EDIL3: variants seen among roughly 807,000 people sequenced by gnomAD.
EDIL3 encodes EGF-like repeat and discoidin I-like domain-containing protein 3.
EDIL3 carries 37 observed loss-of-function variants against 67.4 expected under a neutral mutation model. The observed-to-expected ratio is 0.55, with a 90% CI of 0.42 to 0.72. The LOEUF is 0.72. EDIL3 is among the 30% of genes least tolerant of loss of function. The pLI is 0.00. For missense variants in EDIL3, 527 were observed against 586.3 expected (o/e 0.90, Z 1.04); for synonymous variants, 195 against 196.3 (o/e 0.99, Z 0.05).
At chr5:84,163,923 G>T (rs1265373451) in intron 4 of EDIL3, among the ~76,000 whole-genome samples, 3 of 151,962 alleles carry the variant, frequency 2.0e-5, no homozygotes, top group East Asian at 3.9e-4. Flanking sequence ...TTGCTTTACT[G>T]TATTTAAATA....
At chr5:84,012,475 G>A (rs1173655458) in intron 9 of EDIL3, among the ~76,000 whole-genome samples, 1 of 152,108 alleles carries the variant, frequency 6.6e-6, no homozygotes, top group Non-Finnish European at 1.5e-5. Flanking sequence ...ATTAACCTCA[G>A]TTTGAGTTCA....
intron 9 of EDIL3, among the ~76,000 whole-genome samples, chr5:83,979,316 A>T (rs556877060): frequency 6.6e-6 from 1 of 152,246 alleles, no homozygotes; most frequent in African/African-American, 2.4e-5. Context: ...TGCTGATGAA[A>T]ATCCAAATTG....
chr5:84,284,148 G>A (rs1745762666), intron 1 of EDIL3, among the ~76,000 whole-genome samples: 2 of 151,886 alleles, frequency 1.3e-5, no homozygotes, highest in Non-Finnish European at 2.9e-5. Context: ...TAATATACAT[G>A]TCTGTGATTT....
chr5:84,029,696 GA>G (rs1317888227), intron 9 of EDIL3, among the ~76,000 whole-genome samples: 9 of 152,066 alleles, frequency 5.9e-5, no homozygotes, highest in African/African-American at 2.2e-4. Context: ...ATAACAGCAA[GA>G]AAAACTTCTA....
chr5:84,334,445 A>G (rs989005104), intron 1 of EDIL3, among the ~76,000 whole-genome samples: 11 of 152,182 alleles, frequency 7.2e-5, no homozygotes, highest in African/African-American at 2.7e-4. Context: ...AAATCAAATT[A>G]TTCTTCATTT....
intron 6 of EDIL3, among the ~76,000 whole-genome samples, chr5:84,097,725 A>T (rs1364357075): frequency 6.6e-6 from 1 of 152,110 alleles, no homozygotes; most frequent in Non-Finnish European, 1.5e-5. Context: ...TATTCTAGAA[A>T]AACACACATA....
intron 1 of EDIL3, among the ~76,000 whole-genome samples, chr5:84,381,089 C>G (rs559850194): frequency 1.2e-4 from 18 of 152,004 alleles, no homozygotes; most frequent in South Asian, 6.2e-4. Flanking sequence ...ACTTCAAGAT[C>G]AAAGAAGGAA....
At chr5:83,973,949 C>G (rs1231938640) in intron 9 of EDIL3, among the ~76,000 whole-genome samples, 1 of 151,894 alleles carries the variant, frequency 6.6e-6, no homozygotes, top group Non-Finnish European at 1.5e-5. Context: ...ATTAGGAGGT[C>G]CTTGAAAGTT....
intron 4 of EDIL3, among the ~76,000 whole-genome samples, chr5:84,153,751 C>A (rs138924358): frequency 0.017 from 2,537 of 152,276 alleles, 73 homozygotes; most frequent in African/African-American, 0.058. Flanking sequence ...GAGTGAGCCA[C>A]CGCACCCGGC....
chr5:84,371,044 G>GA (rs1435713221), intron 1 of EDIL3, among the ~76,000 whole-genome samples: 4 of 151,840 alleles, frequency 2.6e-5, no homozygotes, highest in Non-Finnish European at 5.9e-5. Flanking sequence ...CCTTCATCAA[G>GA]CTTACAGTCT....
intron 6 of EDIL3, among the ~76,000 whole-genome samples, chr5:84,088,779 G>A (rs2112265711): frequency 6.6e-6 from 1 of 152,176 alleles, no homozygotes; most frequent in South Asian, 2.1e-4. Context: ...ACAAAATAAA[G>A]TGATCTATAC....
intron 9 of EDIL3, 83 bp from the exon 10 acceptor site, chr5:83,963,443 CTA>C: frequency 7.2e-7 from 1 of 1,385,440 alleles, no homozygotes; most frequent in Non-Finnish European, 9.6e-7. Context: ...GAGAATAAAA[CTA>C]TATATATCCT....
At chr5:84,194,939 T>C (rs1743672381) in intron 3 of EDIL3, among the ~76,000 whole-genome samples, 1 of 151,934 alleles carries the variant, frequency 6.6e-6, no homozygotes, top group Admixed American at 6.6e-5. Flanking sequence ...CACTTTAATA[T>C]CACTGTCTTT....
chr5:84,303,445 A>G (rs1746199377), intron 1 of EDIL3, among the ~76,000 whole-genome samples: 1 of 152,258 alleles, frequency 6.6e-6, no homozygotes, highest in South Asian at 2.1e-4. Context: ...GAAGTATAGT[A>G]CTGTAGACTT....
chr5:83,977,697 G>A (rs1744899068), intron 9 of EDIL3, among the ~76,000 whole-genome samples: 1 of 151,590 alleles, frequency 6.6e-6, no homozygotes, highest in Admixed American at 6.6e-5. Context: ...CATTTTAAAT[G>A]CATTGGCATA....
intron 1 of EDIL3, among the ~76,000 whole-genome samples, chr5:84,269,442 C>A (rs1432471344): frequency 2.0e-5 from 3 of 151,774 alleles, no homozygotes; most frequent in Admixed American, 2.0e-4. Flanking sequence ...TGTCTAGTAT[C>A]CTTTCAGAAA....
chr5:84,214,808 T>G (rs1744194107), intron 3 of EDIL3, among the ~76,000 whole-genome samples: 1 of 151,532 alleles, frequency 6.6e-6, no homozygotes, highest in South Asian at 2.1e-4. Context: ...AACCTCCACC[T>G]CCTGGGTTCA....
intron 6 of EDIL3, among the ~76,000 whole-genome samples, chr5:84,093,177 A>G (rs547915334): frequency 4.0e-5 from 6 of 151,608 alleles, no homozygotes; most frequent in Non-Finnish European, 8.8e-5. Context: ...AACAAATACT[A>G]TCTTTCTCCT....
At chr5:84,352,518 T>C (rs1747381489) in intron 1 of EDIL3, among the ~76,000 whole-genome samples, 1 of 152,114 alleles carries the variant, frequency 6.6e-6, no homozygotes, top group African/African-American at 2.4e-5. Flanking sequence ...CTCGGGGCCA[T>C]TATCCTTAGT....
Sources: allele counts gnomAD v4.1 joint callset (sites outside exome capture counted in the v4.1 genomes callset), GRCh38; gene constraint gnomAD v4.1.1; transcripts MANE v1.5; gene names NCBI Gene and HGNC (gene_info 2026-07-23, HGNC 2026-07-21).